MDFIC: variants seen among roughly 807,000 people sequenced by gnomAD.
MDFIC encodes the protein MyoD family inhibitor domain containing, also known as myoD family inhibitor domain-containing protein.
A neutral mutation model predicts 23.2 loss-of-function variants in MDFIC; 17 were observed. The observed-to-expected ratio is 0.73, with a 90% CI of 0.50 to 1.10. The LOEUF is 1.10. Among genes scored for constraint, MDFIC ranks in the 50% least tolerant of loss-of-function variants. MDFIC has a pLI of 0.00. For synonymous variants in MDFIC, 120 were observed against 115.2 expected (o/e 1.04, Z -0.27); for missense variants, 356 against 316.6 (o/e 1.12, Z -0.95).
chr7:114,988,153 C>T (rs1793545304), intron 4 of MDFIC, among the ~76,000 whole-genome samples: 1 of 152,150 alleles, frequency 6.6e-6, no homozygotes. Context: ...GACAAGCTAT[C>T]TTAGGTCACT....
intron 2 of MDFIC, among the ~76,000 whole-genome samples, chr7:114,931,176 T>G (rs1261042897): frequency 6.6e-6 from 1 of 152,238 alleles, no homozygotes; most frequent in Non-Finnish European, 1.5e-5. Context: ...GAGGAAAGCT[T>G]TTTAACCTTA....
At chr7:114,957,468 T>C (rs1792904994) in intron 3 of MDFIC, among the ~76,000 whole-genome samples, 1 of 152,160 alleles carries the variant, frequency 6.6e-6, no homozygotes, top group African/African-American at 2.4e-5. Flanking sequence ...GCAAAGTCTC[T>C]TATAATAGCG....
intron 4 of MDFIC, among the ~76,000 whole-genome samples, chr7:114,996,168 G>A (rs1373747452): frequency 1.4e-4 from 22 of 152,176 alleles, no homozygotes; most frequent in Admixed American, 1.4e-3. Flanking sequence ...TGCCTTTTGT[G>A]CTGATAGTGG....
rs1163129409 is a variant in MDFIC, at chr7:114,967,034, CTGGTAAATTTCTG to C, written c.218-12471_218-12459del. On this transcript the variant is annotated intron_variant, in intron 3 of 4. Coordinates refer to ENST00000393486, the MANE Select transcript of MDFIC (RefSeq NM_001166345.3). ...GTAAAAAGTTCAAATTTTAAAAATT[CTGGTAAATTTCTG>C]GGTGTTATATATTATTCCCAATACT... is the stretch of plus-strand genomic sequence containing the variant. Among the ~76,000 whole-genome samples the C allele has an allele frequency of 2.4e-4, 37 of 152,034 alleles. 1 individual carries two copies. Among genetic ancestry groups the C allele is most frequent in the Non-Finnish European group, 4.7e-4 (32 of 67,994 alleles).
rs374418996 is a variant in MDFIC, at chr7:114,928,694, G to A, written c.94+5567G>A. ...GAGCTTGCATATCTCTTCTGTAGGA[G>A]TTGGTGACCACTGAAGTCTCTTAAG... On this transcript the variant is annotated intron_variant, in intron 2 of 4. Coordinates refer to ENST00000393486, the MANE Select transcript of MDFIC (RefSeq NM_001166345.3). 3.3e-5 allele frequency among the ~76,000 whole-genome samples: 5 copies of A among 152,178 alleles called. No homozygotes were observed. In the East Asian group the frequency reaches 7.7e-4, roughly 23 times the overall value.
chr7:115,014,282 C>A, intron 4 of MDFIC: 2 of 985,308 alleles, frequency 2.0e-6, no homozygotes, highest in Non-Finnish European at 2.4e-6. Context: ...CCGTAGGTAC[C>A]CTGGTGTTTG....
At chr7:114,974,229 T>C (rs145238787) in intron 3 of MDFIC, among the ~76,000 whole-genome samples, 1,831 of 152,220 alleles carry the variant, frequency 0.012, 21 homozygotes, top group Non-Finnish European at 0.018. Context: ...TTAGTTCATA[T>C]TGAAATAACT....
In MDFIC at chr7:114,923,075, G is replaced by C; in HGVS notation, c.42G>C (p.Gly14=). The stretch of plus-strand genomic sequence containing the variant: ...AAGCCCTCGCTCCCGGGCCCGTGGG[G>C]CCGCAGCGCGTGGCCGAGGCGGGCG... ...AGEALAPGPV[G]PQRVAEAGGG... Residue 14 remains glycine, a synonymous_variant, in exon 2 of 5, where the codon GGG becomes GGC. Transcript: ENST00000393486. The C allele has an allele frequency of 7.0e-7, 1 of 1,418,980 alleles. No homozygotes were observed. Among genetic ancestry groups the C allele is most frequent in the Non-Finnish European group, 9.2e-7 (1 of 1,086,952 alleles). 87.9% of individuals were successfully genotyped at this position (1,418,980 alleles called of 1,614,324 possible).
At chr7:114,932,006 C>T (rs745697583) in intron 2 of MDFIC, among the ~76,000 whole-genome samples, 4 of 152,102 alleles carry the variant, frequency 2.6e-5, no homozygotes, top group African/African-American at 7.2e-5. Context: ...TAAACGCAGA[C>T]GCTGCTTTTG....
chr7:114,939,929 G>C (rs1792505478), intron 2 of MDFIC, among the ~76,000 whole-genome samples: 1 of 152,308 alleles, frequency 6.6e-6, no homozygotes, highest in East Asian at 1.9e-4. Context: ...ATGGCAGCAA[G>C]TATGTAGGAC....
chr7:114,923,993 G>A (rs1792141797), intron 2 of MDFIC, among the ~76,000 whole-genome samples: 1 of 152,162 alleles, frequency 6.6e-6, no homozygotes, highest in Non-Finnish European at 1.5e-5. Context: ...TACTAATGTA[G>A]TGAATCTTAG....
chr7:114,939,120 T>C (rs1585094764), intron 2 of MDFIC, among the ~76,000 whole-genome samples: 1 of 151,786 alleles, frequency 6.6e-6, no homozygotes. Flanking sequence ...GACTGCCATA[T>C]GGGTAGCTCA....
At position 114,996,647 on chromosome 7, in the gene MDFIC, A is replaced by C. The variant is rs539373140; in HGVS notation, c.493+16866A>C. On this transcript the variant is annotated intron_variant, in intron 4 of 4. Coordinates refer to ENST00000393486, the MANE Select transcript of MDFIC (RefSeq NM_001166345.3). ...ATGTATAGTGGATGAGGTCACTGGC[A>C]ACTGGGGTTCTCAACCCTGGCCTCT... Among the ~76,000 whole-genome samples, 334 of 152,294 alleles carry C rather than the reference A, an allele frequency of 2.2e-3. 1 individual carries two copies. The highest frequency in any genetic ancestry group is 4.1e-3 in the Non-Finnish European group (278 of 68,032).
intron 2 of MDFIC, among the ~76,000 whole-genome samples, chr7:114,928,665 T>G (rs974397516): frequency 6.6e-6 from 1 of 152,188 alleles, no homozygotes; most frequent in African/African-American, 2.4e-5. Context: ...ATTCTCTTGC[T>G]GAGGAGCTTG....
At chr7:114,936,060 G>A (rs1467789602) in intron 2 of MDFIC, among the ~76,000 whole-genome samples, 2 of 152,200 alleles carry the variant, frequency 1.3e-5, no homozygotes, top group East Asian at 1.9e-4. Context: ...TCCACCTTAC[G>A]AGGTAGAGAC....
At chr7:114,926,731 A>C (rs1333927789) in intron 2 of MDFIC, among the ~76,000 whole-genome samples, 1 of 152,190 alleles carries the variant, frequency 6.6e-6, no homozygotes, top group Non-Finnish European at 1.5e-5. Flanking sequence ...GAAATTACAT[A>C]AGAAGAGCTT....
chr7:114,962,824 A>G (rs1793019108), intron 3 of MDFIC, among the ~76,000 whole-genome samples: 1 of 152,236 alleles, frequency 6.6e-6, no homozygotes, highest in Admixed American at 6.5e-5. Context: ...AAGAATGGCA[A>G]CATGATTCCC....
At chr7:114,936,313 T>C (rs1792422574) in intron 2 of MDFIC, among the ~76,000 whole-genome samples, 1 of 152,206 alleles carries the variant, frequency 6.6e-6, no homozygotes, top group Non-Finnish European at 1.5e-5. Context: ...CCAATATTTT[T>C]GGAAAACTGT....
intron 2 of MDFIC, among the ~76,000 whole-genome samples, chr7:114,930,201 A>G (rs149964530): frequency 7.2e-5 from 11 of 152,304 alleles, no homozygotes; most frequent in Non-Finnish European, 8.8e-5. Flanking sequence ...AGTGATCAGC[A>G]TGGTTGATTG....
Sources: gnomAD v4.1 joint callset for allele counts (sites outside exome capture counted in the v4.1 genomes callset) on GRCh38, gnomAD v4.1.1 for gene constraint, MANE v1.5 for transcripts, NCBI Gene and HGNC (gene_info 2026-07-23, HGNC 2026-07-21) for gene names.